The following ARK2N variants were observed in gnomAD, a reference collection of about 807,000 sequenced individuals.
The protein encoded by ARK2N is protein ARK2N.
chr18:46,248,164 C>A, the ARK2N span, among the ~76,000 whole-genome samples: 1 of 152,166 alleles, frequency 6.6e-6, no homozygotes, highest in Non-Finnish European at 1.5e-5. Flanking sequence ...GCACTGCCTG[C>A]TGGTGTTGGT....
the ARK2N span, among the ~76,000 whole-genome samples, chr18:46,226,806 CT>C: frequency 0.017 from 2,274 of 133,946 alleles, 14 homozygotes; most frequent in Non-Finnish European, 0.022. Flanking sequence ...ACTGGATTTA[CT>C]TTTTTTTTTT....
the ARK2N span, among the ~76,000 whole-genome samples, chr18:46,177,418 C>G: frequency 7.8e-6 from 1 of 128,290 alleles, no homozygotes; most frequent in Non-Finnish European, 1.6e-5. Context: ...TTTGTTCTTT[C>G]TTTTTTTCTT....
the ARK2N span, among the ~76,000 whole-genome samples, chr18:46,194,436 T>C: frequency 6.6e-6 from 1 of 151,622 alleles, no homozygotes; most frequent in Non-Finnish European, 1.5e-5. Context: ...CCATCTCTAC[T>C]AAAAGGAGCT....
At chr18:46,246,897 C>A in the ARK2N span, among the ~76,000 whole-genome samples, 1 of 147,198 alleles carries the variant, frequency 6.8e-6, no homozygotes. Flanking sequence ...GCTGAGATCA[C>A]ATCTTTGCAC....
chr18:46,194,479 T>TA, the ARK2N span, among the ~76,000 whole-genome samples: 2 of 97,562 alleles, frequency 2.0e-5, no homozygotes, highest in Admixed American at 2.0e-4. Context: ...TTTTTTTTTG[T>TA]TTGTTTTTTT....
At chr18:46,215,906 A>G in the ARK2N span, 4 of 1,612,404 alleles carry the variant, frequency 2.5e-6, no homozygotes, top group African/African-American at 1.3e-5. Flanking sequence ...GCAGTGGGAA[A>G]AGTTGAAGAA....
At chr18:46,222,458 C>T in the ARK2N span, among the ~76,000 whole-genome samples, 6 of 152,092 alleles carry the variant, frequency 3.9e-5, no homozygotes, top group African/African-American at 9.7e-5. Flanking sequence ...GTTTTCTGTA[C>T]GCTACAAGGT....
At chr18:46,240,229 A>C in the ARK2N span, 1 of 1,603,754 alleles carries the variant, frequency 6.2e-7, no homozygotes, top group Non-Finnish European at 8.5e-7. Flanking sequence ...TGTAATATGC[A>C]TGTGTCCTGG....
the ARK2N span, among the ~76,000 whole-genome samples, chr18:46,175,112 A>ACCCCCCCCCCCCCCCCCCCC: frequency 1.7e-4 from 23 of 133,398 alleles, no homozygotes; most frequent in Admixed American, 3.1e-4. Flanking sequence ...AAAATTGTCC[A>ACCCCCCCCCCCCCCCCCCCC]CCCCCCCGCC....
the ARK2N span, among the ~76,000 whole-genome samples, chr18:46,249,709 A>G: frequency 1.3e-5 from 2 of 152,192 alleles, no homozygotes; most frequent in Admixed American, 6.5e-5. Context: ...AACTATGTAT[A>G]TACACATACA....
the ARK2N span, among the ~76,000 whole-genome samples, chr18:46,259,422 T>C: frequency 6.6e-6 from 1 of 151,848 alleles, no homozygotes; most frequent in Non-Finnish European, 1.5e-5. Context: ...TTTTGTATTT[T>C]TAGTAGAGAC....
At chr18:46,195,559 CTTTTTTT>C in the ARK2N span, among the ~76,000 whole-genome samples, 9 of 72,686 alleles carry the variant, frequency 1.2e-4, no homozygotes, top group African/African-American at 5.0e-4. Context: ...CCCACATAAA[CTTTTTTT>C]TTTTTTTTTT....
At chr18:46,186,056 G>T in the ARK2N span, among the ~76,000 whole-genome samples, 1 of 152,052 alleles carries the variant, frequency 6.6e-6, no homozygotes, top group Non-Finnish European at 1.5e-5. Context: ...GGACAGGGAG[G>T]GGGGGCATTT....
the ARK2N span, among the ~76,000 whole-genome samples, chr18:46,183,984 T>C: frequency 6.6e-6 from 1 of 151,030 alleles, no homozygotes; most frequent in Non-Finnish European, 1.5e-5. Flanking sequence ...CCACCATGCC[T>C]GGCTAATTTT....
the ARK2N span, among the ~76,000 whole-genome samples, chr18:46,188,007 T>C: frequency 6.6e-6 from 1 of 152,180 alleles, no homozygotes; most frequent in East Asian, 1.9e-4. Flanking sequence ...TTTCTTTTAT[T>C]GATTAAGCAT....
the ARK2N span, among the ~76,000 whole-genome samples, chr18:46,175,788 G>T: frequency 2.6e-5 from 4 of 152,118 alleles, no homozygotes; most frequent in South Asian, 4.1e-4. Context: ...GGCGTGAGCC[G>T]TGGCGCCTGG....
the ARK2N span, among the ~76,000 whole-genome samples, chr18:46,255,622 T>C: frequency 3.3e-5 from 5 of 152,028 alleles, no homozygotes; most frequent in South Asian, 1.0e-3. Flanking sequence ...CCGCTAATTT[T>C]GTATTTTTAG....
the ARK2N span, chr18:46,253,745 A>G: frequency 1.1e-4 from 179 of 1,612,780 alleles, no homozygotes; most frequent in Non-Finnish European, 1.4e-4. Flanking sequence ...TCTGCTGGCA[A>G]TGCGCCACTC....
the ARK2N span, among the ~76,000 whole-genome samples, chr18:46,224,894 T>C: frequency 1.3e-5 from 2 of 152,172 alleles, no homozygotes; most frequent in African/African-American, 4.8e-5. Flanking sequence ...TCCGAAGCAA[T>C]AATGTTTTAT....
Sources: allele counts gnomAD v4.1 joint callset (sites outside exome capture counted in the v4.1 genomes callset), GRCh38; gene constraint gnomAD v4.1.1; transcripts MANE v1.5; gene names NCBI Gene and HGNC (gene_info 2026-07-23, HGNC 2026-07-21).